Variants in MYO5A observed in about 807,000 individuals in gnomAD.
MYO5A encodes unconventional myosin-Va.
In MYO5A, 98 loss-of-function variants were observed where a neutral mutation model predicts 249.7. That is an observed-to-expected ratio of 0.39 (90% confidence interval 0.33 to 0.46). MYO5A has a LOEUF of 0.46. MYO5A is among the 20% of genes least tolerant of loss of function. The pLI, the probability that MYO5A is intolerant of heterozygous loss-of-function variation, is 0.98. For missense variants in MYO5A, 1,696 were observed against 2,308.8 expected (o/e 0.73, Z 5.44); for synonymous variants, 778 against 810.6 (o/e 0.96, Z 0.68).
chr15:52,486,250 G>A (rs765911207), intron 1 of MYO5A, among the ~76,000 whole-genome samples: 12 of 152,162 alleles, frequency 7.9e-5, no homozygotes, highest in Non-Finnish European at 1.3e-4. Flanking sequence ...GTCAAAAGGA[G>A]GTCAAAGAGC....
At chr15:52,461,115 T>C (rs1171310438) in intron 1 of MYO5A, among the ~76,000 whole-genome samples, 2 of 151,998 alleles carry the variant, frequency 1.3e-5, no homozygotes, top group Non-Finnish European at 2.9e-5. Context: ...ACCATGCCTG[T>C]TTAATTTTTG....
chr15:52,519,575 GCACT>G (rs958363686), intron 1 of MYO5A, among the ~76,000 whole-genome samples: 3 of 151,368 alleles, frequency 2.0e-5, no homozygotes, highest in African/African-American at 7.3e-5. Flanking sequence ...TTGCGCTACT[GCACT>G]CTAGTGTGGG....
At chr15:52,377,728 G>A (rs1040665704) in intron 18 of MYO5A, among the ~76,000 whole-genome samples, 3 of 151,660 alleles carry the variant, frequency 2.0e-5, no homozygotes, top group East Asian at 3.9e-4. Context: ...ACACCACTAC[G>A]TCCAGCTAAT....
At chr15:52,528,684 GC>G in intron 1 of MYO5A, 95 bp downstream of exon 1, 2 of 1,377,002 alleles carry the variant, frequency 1.5e-6, no homozygotes, top group South Asian at 2.9e-5. Flanking sequence ...GGTGGGGCTC[GC>G]CTGGGCCCGG....
intron 9 of MYO5A, among the ~76,000 whole-genome samples, chr15:52,399,830 TC>T (rs777641004): frequency 1.6e-4 from 24 of 152,138 alleles, no homozygotes; most frequent in South Asian, 4.1e-4. Flanking sequence ...TCTCTTGTAT[TC>T]CCCTGTGTCT....
At chr15:52,411,530 G>T (rs1370907741) in intron 5 of MYO5A, among the ~76,000 whole-genome samples, 1 of 144,962 alleles carries the variant, frequency 6.9e-6, no homozygotes. Flanking sequence ...ATTTTTTTAA[G>T]GCAAAGCAAA....
chr15:52,475,506 G>C (rs528709541), intron 1 of MYO5A, among the ~76,000 whole-genome samples: 13 of 152,022 alleles, frequency 8.6e-5, no homozygotes, highest in South Asian at 2.1e-4. Context: ...ATCTTTCCTG[G>C]TTTCTCTTGT....
chr15:52,472,215 A>G (rs2076488413), intron 1 of MYO5A, among the ~76,000 whole-genome samples: 1 of 151,782 alleles, frequency 6.6e-6, no homozygotes, highest in Non-Finnish European at 1.5e-5. Flanking sequence ...AGTAGCTGGG[A>G]CTACAGGGAC....
chr15:52,440,807 T>A (rs2075770374), intron 1 of MYO5A, among the ~76,000 whole-genome samples: 1 of 152,192 alleles, frequency 6.6e-6, no homozygotes, highest in Non-Finnish European at 1.5e-5. Flanking sequence ...ACCCATATGA[T>A]CTTCTCTCTT....
chr15:52,465,542 A>C (rs2076334864), intron 1 of MYO5A, among the ~76,000 whole-genome samples: 1 of 152,206 alleles, frequency 6.6e-6, no homozygotes, highest in Non-Finnish European at 1.5e-5. Context: ...CTGTAGTCCC[A>C]GCTACTTGGG....
In MYO5A at chr15:52,370,214, T is replaced by C. The variant is rs1220198679; in HGVS notation, c.3021A>G (p.Lys1007=). 1.2e-6 allele frequency: 2 copies of C among 1,614,132 alleles called. No individual in the cohort carries two copies. Among genetic ancestry groups the C allele is most frequent in the East Asian group, 4.5e-5 (2 of 44,874 alleles). The part of the protein sequence containing the change: ...KDLEQTRSEK[K]CIEEHADRYK... ...ATCGATCTGCATGTTCCTCAATGCA[T>C]TTTTTCTCTGAACGAGTTTGCTCCA... Residue 1007 remains lysine, a synonymous_variant, in exon 22 of 42, where the codon AAA becomes AAG. Coordinates refer to ENST00000399233, the MANE Select transcript of MYO5A (RefSeq NM_001382347.1).
At chr15:52,477,793 C>T (rs773135431) in intron 1 of MYO5A, among the ~76,000 whole-genome samples, 13 of 152,130 alleles carry the variant, frequency 8.5e-5, no homozygotes, top group Non-Finnish European at 1.6e-4. Flanking sequence ...AGAGGTGCAC[C>T]CGGCCGTATG....
At chr15:52,339,340 C>A (rs1025140078) in intron 32 of MYO5A, among the ~76,000 whole-genome samples, 1 of 152,062 alleles carries the variant, frequency 6.6e-6, no homozygotes, top group Non-Finnish European at 1.5e-5. Flanking sequence ...CAAATCACCA[C>A]CAATCCTAAA....
intron 40 of MYO5A, among the ~76,000 whole-genome samples, chr15:52,315,951 T>G (rs933119282): frequency 6.6e-6 from 1 of 151,706 alleles, no homozygotes; most frequent in Non-Finnish European, 1.5e-5. Flanking sequence ...ATTAAGAAAG[T>G]TGGCTGGGCA....
chr15:52,460,454 G>A (rs565399781), intron 1 of MYO5A, among the ~76,000 whole-genome samples: 4 of 152,316 alleles, frequency 2.6e-5, no homozygotes, highest in South Asian at 2.1e-4. Context: ...AGACCAGCCC[G>A]GCCAACACGG....
intron 2 of MYO5A, among the ~76,000 whole-genome samples, chr15:52,429,706 C>CA (rs2075483235): frequency 1.4e-5 from 1 of 69,746 alleles, no homozygotes; most frequent in Non-Finnish European, 4.0e-5. Context: ...AACAAAAAAA[C>CA]AAAACAAAAC....
rs2039310129 is a variant in MYO5A, at chr15:52,340,121, G to A, written c.4239+75C>T. On this transcript the variant is annotated intron_variant, in intron 32 of 41. Transcript: ENST00000399233. The stretch of plus-strand genomic sequence containing the variant: ...GAGTTTTTCCCAGCAAGAAAAACCC[G>A]TGTTTGATCAAAAAGAAACTAGACT... 11 of 1,515,254 alleles carry A rather than the reference G, an allele frequency of 7.3e-6. 1 individual carries two copies. The Admixed American group carries it at 8.8e-5, about 12-fold the overall frequency. 93.9% of individuals were successfully genotyped at this position (1,515,254 alleles called of 1,614,324 possible).
chr15:52,504,806 T>C, intron 1 of MYO5A, among the ~76,000 whole-genome samples: 1 of 151,792 alleles, frequency 6.6e-6, no homozygotes, highest in Non-Finnish European at 1.5e-5. Context: ...AGAGAATTGC[T>C]TGGACCCAGC....
chr15:52,423,043 T>G (rs1481350886), intron 4 of MYO5A, among the ~76,000 whole-genome samples: 6 of 152,160 alleles, frequency 3.9e-5, no homozygotes, highest in Admixed American at 3.9e-4. Flanking sequence ...TTGTTAATCA[T>G]GCCTGACTTC....
Sources: allele counts gnomAD v4.1 joint callset (sites outside exome capture counted in the v4.1 genomes callset), GRCh38; gene constraint gnomAD v4.1.1; transcripts MANE v1.5; gene names NCBI Gene and HGNC (gene_info 2026-07-23, HGNC 2026-07-21).